Variants in PPP1R1C observed in about 807,000 individuals in gnomAD.
PPP1R1C encodes the protein protein phosphatase 1 regulatory inhibitor subunit 1C.
A neutral mutation model predicts 17.4 loss-of-function variants in PPP1R1C; 15 were observed. The ratio of observed to expected loss-of-function variants is 0.86; its 90% CI spans 0.58 to 1.33. The LOEUF (loss-of-function observed/expected upper bound fraction) is 1.33, where lower values mean the gene tolerates loss of function less well. PPP1R1C is among the 40% of genes most tolerant of loss of function. The probability of loss-of-function intolerance (pLI) is 0.00; values close to 1 mark genes in which losing one functional copy is unlikely to be tolerated. For missense variants in PPP1R1C, 143 were observed against 130.0 expected, an observed-to-expected ratio of 1.10 and a Z score of -0.48; for synonymous variants, 35 against 43.1, an observed-to-expected ratio of 0.81 and a Z score of 0.73.
At chr2:182,031,097 C>T (rs915409534) in intron 2 of PPP1R1C, 1 of 154,764 alleles carries the variant, frequency 6.5e-6, no homozygotes, top group African/African-American at 2.4e-5. Context: ...CACCCACTGA[C>T]CTGCGCCCAC....
chr2:181,977,372 T>C (rs1358314414), intron 2 of PPP1R1C, among the ~76,000 whole-genome samples: 1 of 151,996 alleles, frequency 6.6e-6, no homozygotes, highest in African/African-American at 2.4e-5. Context: ...ACTCCTCTGA[T>C]TGTATTTTTG....
intron 2 of PPP1R1C, among the ~76,000 whole-genome samples, chr2:182,006,630 A>G (rs576167970): frequency 6.6e-6 from 1 of 152,208 alleles, no homozygotes; most frequent in Non-Finnish European, 1.5e-5. Flanking sequence ...CTTTTTAACA[A>G]CTGTCTTAAG....
chr2:182,067,382 C>G (rs1688015599), intron 4 of PPP1R1C, among the ~76,000 whole-genome samples: 1 of 150,510 alleles, frequency 6.6e-6, no homozygotes, highest in Non-Finnish European at 1.5e-5. Context: ...GAAATAAATA[C>G]AAATACAGAA....
At chr2:181,973,151 C>T (rs6705109) in intron 1 of PPP1R1C, among the ~76,000 whole-genome samples, 246 of 152,218 alleles carry the variant, frequency 1.6e-3, no homozygotes, top group African/African-American at 5.5e-3. Flanking sequence ...GACTCATAGG[C>T]CAGACCAGGC....
At chr2:182,057,808 C>T (rs1687731384) in intron 2 of PPP1R1C, among the ~76,000 whole-genome samples, 1 of 152,116 alleles carries the variant, frequency 6.6e-6, no homozygotes, top group Non-Finnish European at 1.5e-5. Flanking sequence ...ACTTTCTAAT[C>T]ATGACTCTCT....
Position 181,962,100 on chromosome 2 carries a change from T to C in PPP1R1C, n.111+7466T>C. ...TCCTCGATGGTCTTGAGGTAATGAC[T>C]CCAGTCTCTGACCTGGAGTCCCTTC... On this transcript the variant is annotated intron_variant and non_coding_transcript_variant, in intron 1 of 5. Coordinates refer to the PPP1R1C transcript ENST00000464264. The surrounding 1 kb of genome is among the most constrained non-coding windows in gnomAD (Gnocchi z 6.0). The C allele has an allele frequency of 1.4e-6, 1 of 721,834 alleles. No homozygotes were observed. Among genetic ancestry groups the C allele is most frequent in the South Asian group, 1.4e-5 (1 of 73,226 alleles). The allele number at this position is 721,834 out of a possible 1,614,324, so 44.7% of individuals were successfully genotyped here.
At chr2:182,011,311 C>T (rs1686082749) in intron 2 of PPP1R1C, among the ~76,000 whole-genome samples, 3 of 152,140 alleles carry the variant, frequency 2.0e-5, no homozygotes, top group Non-Finnish European at 4.4e-5. Flanking sequence ...TTGCTCCATT[C>T]AGGTTTTGGA....
intron 2 of PPP1R1C, among the ~76,000 whole-genome samples, chr2:182,031,940 C>T (rs148803033): frequency 6.9e-4 from 105 of 152,266 alleles, no homozygotes; most frequent in African/African-American, 2.5e-3. Flanking sequence ...GATCATAGCC[C>T]AATCTTAAAC....
Position 182,038,291 on chromosome 2 carries a change from G to A in PPP1R1C, c.143-23151G>A, listed in dbSNP as rs531156172. Among the ~76,000 whole-genome samples, 234 of 152,126 alleles carry A rather than the reference G, an allele frequency of 1.5e-3. 2 individuals carry two copies. Among genetic ancestry groups the A allele is most frequent in the African/African-American group, 5.2e-3 (217 of 41,490 alleles). ...TGAGCTCAAGCAATCTGCCCGCCTC[G>A]GCCTCCCAAACTGCTGAGATTATAG... On this transcript the variant is annotated intron_variant, in intron 2 of 4. Coordinates refer to ENST00000682840, the MANE Select transcript of PPP1R1C (RefSeq NM_001080545.3).
At chr2:182,022,594 C>G (rs1484100346) in intron 2 of PPP1R1C, among the ~76,000 whole-genome samples, 1 of 152,144 alleles carries the variant, frequency 6.6e-6, no homozygotes, top group Non-Finnish European at 1.5e-5. Context: ...TTAAAACATC[C>G]AATTTGAAAA....
At chr2:182,056,150 A>G (rs948033540) in intron 2 of PPP1R1C, among the ~76,000 whole-genome samples, 3 of 152,208 alleles carry the variant, frequency 2.0e-5, no homozygotes, top group Admixed American at 6.5e-5. Flanking sequence ...CTCGCTAGAT[A>G]CACAGATGAG....
chr2:182,096,491 C>T (rs1688941726), intron 4 of PPP1R1C, among the ~76,000 whole-genome samples: 1 of 152,122 alleles, frequency 6.6e-6, no homozygotes, highest in Non-Finnish European at 1.5e-5. Flanking sequence ...AATTTCTTAG[C>T]TTAGCTAATC....
At chr2:181,985,852 T>A, upstream of PPP1R1C, 1 of 535,042 alleles carries the variant, frequency 1.9e-6, no homozygotes, top group Non-Finnish European at 3.3e-6. The surrounding 1 kb of genome is among the most constrained non-coding windows in gnomAD (Gnocchi z 4.1). Flanking sequence ...ACAATTAGCG[T>A]ATTGTTCCTT....
At chr2:182,118,793 T>A (rs1196049309), downstream of PPP1R1C, among the ~76,000 whole-genome samples, 1 of 151,744 alleles carries the variant, frequency 6.6e-6, no homozygotes, top group Non-Finnish European at 1.5e-5. Flanking sequence ...GTTCCTTTCT[T>A]CTGTCTTTCT....
At chr2:182,011,358 C>G (rs1167166446) in intron 2 of PPP1R1C, among the ~76,000 whole-genome samples, 1 of 152,008 alleles carries the variant, frequency 6.6e-6, no homozygotes. Flanking sequence ...TTGTATGTGT[C>G]TAGGAATTTA....
chr2:181,997,001 G>T (rs968870495), intron 2 of PPP1R1C, among the ~76,000 whole-genome samples: 4 of 151,726 alleles, frequency 2.6e-5, no homozygotes, highest in African/African-American at 9.7e-5. Flanking sequence ...AGGCCGAGGC[G>T]GGCGGATCAC....
Position 182,089,355 on chromosome 2 carries a change from A to G in PPP1R1C, c.241+25564A>G, listed in dbSNP as rs192383305. Among the ~76,000 whole-genome samples the G allele has an allele frequency of 3.1e-3, 477 of 152,294 alleles. 4 individuals are homozygous for G. The highest frequency in any genetic ancestry group is 2.8e-3 in the Non-Finnish European group (193 of 68,020). On this transcript the variant is annotated intron_variant, in intron 4 of 4. Transcript: ENST00000682840. ...GAAAGGGTAGTAGAAGGAAGAGATT[A>G]ATTCTTACTTGTGGTTTTAACTGGC...
chr2:182,077,923 G>A (rs1452043212), intron 4 of PPP1R1C, among the ~76,000 whole-genome samples: 1 of 152,218 alleles, frequency 6.6e-6, no homozygotes. Flanking sequence ...GCTCACGCCT[G>A]TAATGCCAAC....
intron 1 of PPP1R1C, among the ~76,000 whole-genome samples, chr2:181,958,733 A>G (rs995546998): frequency 3.9e-5 from 6 of 152,214 alleles, no homozygotes; most frequent in African/African-American, 1.2e-4. Context: ...TAAATCATAC[A>G]CTATGTACTC....
Sources: allele counts gnomAD v4.1 joint callset (sites outside exome capture counted in the v4.1 genomes callset), GRCh38; gene constraint gnomAD v4.1.1; non-coding constraint Gnocchi (gnomAD v3.1); transcripts MANE v1.5; gene names NCBI Gene and HGNC (gene_info 2026-07-23, HGNC 2026-07-21).